SSC5D: variants seen among roughly 807,000 people sequenced by gnomAD.
SSC5D encodes scavenger receptor cysteine rich family member with 5 domains.
Under a neutral mutation model 104.6 loss-of-function variants are expected in SSC5D, and 106 were observed. The ratio of observed to expected loss-of-function variants is 1.01; its 90% confidence interval spans 0.87 to 1.19. The LOEUF (loss-of-function observed/expected upper bound fraction) is 1.19. Ranked by LOEUF, SSC5D falls within the 50% of genes most tolerant of loss-of-function variation. SSC5D has a pLI of 0.00. For missense variants in SSC5D, 1,993 were observed against 2,153.8 expected (o/e 0.93, Z 1.48); for synonymous variants, 860 against 883.5 (o/e 0.97, Z 0.47).
intron 13 of SSC5D, among the ~76,000 whole-genome samples, chr19:55,516,843 C>T (rs945179359): frequency 1.3e-5 from 2 of 152,170 alleles, no homozygotes; most frequent in African/African-American, 4.8e-5. Flanking sequence ...GCACATCTCC[C>T]AGTCCCCCGC....
chr19:55,493,488 A>G (rs1987209992), intron 6 of SSC5D, 107 bp from the exon 7 acceptor site: 1 of 1,009,324 alleles, frequency 9.9e-7, no homozygotes, highest in Non-Finnish European at 1.4e-6. Flanking sequence ...AAGATGGAAT[A>G]TTTGCTTCCC....
At position 55,500,030 on chromosome 19, in the gene SSC5D, C is replaced by T. The variant is rs1415962791; in HGVS notation, c.1920C>T (p.Thr640=). 3 of 1,551,826 alleles carry T rather than the reference C, an allele frequency of 1.9e-6. No homozygotes were observed. The highest frequency in any genetic ancestry group is 2.0e-5 in the Admixed American group (1 of 50,984). Reference sequence around the variant, plus strand: ...TGACAAAAAATGCAAAGAGACCAACCACTCAACCCCCAGTGATGCCAACCA... The same window carrying T: ...TGACAAAAAATGCAAAGAGACCAACTACTCAACCCCCAGTGATGCCAACCA... ...KWVTKNAKRP[T]TQPPVMPTTK... is the part of the protein sequence containing the mutation. The change falls in exon 10 of 14, where the codon ACC becomes ACT. Residue 640 remains threonine (T), a synonymous_variant. Coordinates refer to ENST00000389623, the MANE Select transcript of SSC5D (RefSeq NM_001144950.2). The surrounding 1 kb of genome is among the most constrained non-coding windows in gnomAD (Gnocchi z 4.6).
At chr19:55,509,140 C>T (rs947978435) in intron 12 of SSC5D, among the ~76,000 whole-genome samples, 6 of 152,138 alleles carry the variant, frequency 3.9e-5, no homozygotes, top group Admixed American at 6.6e-5. Flanking sequence ...GCTGTGTTAC[C>T]CCAAGAAAGT....
In SSC5D at chr19:55,501,058, C is replaced by A. The variant is rs866679288; in HGVS notation, c.2642C>A (p.Pro881His). Residue 881 changes from proline (P) to histidine (H), a missense_variant, in exon 12 of 14, where the codon CCC (proline) becomes CAC (histidine). Pro to His is a moderately conservative substitution (Grantham distance 77). This residue lies in a region of SSC5D where 423 missense variants were observed against 409.2 expected (regional missense o/e 1.03). Transcript: ENST00000389623. ...GGCTACACAGACTATGACGATTATCCCCCCTGGACCTGGGACCCCACCTCA... is the reference window on the plus strand; with the variant it reads ...GGCTACACAGACTATGACGATTATCACCCCTGGACCTGGGACCCCACCTCA... ...CTGYTDYDDY[P>H]PWTWDPTSRE... The A allele has an allele frequency of 6.4e-7, 1 of 1,551,866 alleles. No homozygotes were observed. The highest frequency in any genetic ancestry group is 8.7e-7 in the Non-Finnish European group (1 of 1,147,004).
rs760790249 is a variant in SSC5D, at chr19:55,500,263, C to T, written c.2153C>T (p.Thr718Ile). Residue 718 changes from threonine (T) to isoleucine (I), a missense_variant, in exon 10 of 14, where the codon ACT becomes ATT. By Grantham distance (89) the Thr-to-Ile change is moderately conservative (BLOSUM62 -1). Coordinates refer to ENST00000389623, the MANE Select transcript of SSC5D (RefSeq NM_001144950.2). This position sits in a 1 kb window ranked among gnomAD's most constrained non-coding sequence, Gnocchi z 4.6. The stretch of plus-strand genomic sequence containing the variant: ...ACTAAGACCATGGCAATGCTGACCA[C>T]TCAAGGCCCCCAAGAAATGACCTCT... ...RTTKTMAMLT[T>I]QGPQEMTSES... 309 of 1,551,444 alleles carry T rather than the reference C, an allele frequency of 2.0e-4. No homozygotes were observed. Among genetic ancestry groups the T allele is most frequent in the Non-Finnish European group, 2.6e-4 (294 of 1,146,978 alleles).
chr19:55,517,511 G>T lies in SSC5D; in HGVS notation c.3235G>T (p.Val1079Phe). The T allele has an allele frequency of 2.6e-6, 4 of 1,551,270 alleles. No homozygotes were observed. The highest frequency in any genetic ancestry group is 3.5e-6 in the Non-Finnish European group (4 of 1,146,982). The change falls in exon 14 of 14, where the codon GTT becomes TTT. Residue 1079 changes from valine (V) to phenylalanine (F), a missense_variant. Physicochemically the swap from Val to Phe is conservative, Grantham distance 50 (BLOSUM62 -1). This residue lies in a region of SSC5D where 423 missense variants were observed against 409.2 expected (regional missense o/e 1.03). Coordinates refer to ENST00000389623, the MANE Select transcript of SSC5D (RefSeq NM_001144950.2). ...TTTGTCCACCCCTGACTCCAGTGTG[G>T]TTCCCGCGTTGACCCCGGAGCCCTC... is the stretch of plus-strand genomic sequence containing the variant. ...FALSTPDSSVVPALTPEPSPT... is the reference protein window; with the variant it reads ...FALSTPDSSVFPALTPEPSPT...
intron 8 of SSC5D, 71 bp downstream of exon 8, chr19:55,494,854 TCTCATGGGGGGC>T: frequency 7.0e-7 from 1 of 1,436,040 alleles, no homozygotes; most frequent in Non-Finnish European, 9.2e-7. Context: ...TCTGAGACTG[TCTCATGGGGGGC>T]CTCTTGCAAA....
At chr19:55,490,517 G>C in intron 5 of SSC5D, 109 bp downstream of exon 5, 1 of 608,784 alleles carries the variant, frequency 1.6e-6, no homozygotes, top group Non-Finnish European at 2.9e-6. Context: ...GGCCCTGGAG[G>C]GATCCCAGTG....
chr19:55,498,266 C>T (rs1987382118), intron 9 of SSC5D, 69 bp downstream of exon 9: 3 of 1,485,886 alleles, frequency 2.0e-6, no homozygotes, highest in Non-Finnish European at 2.8e-6. Context: ...CTAACATGGG[C>T]ACTAACATTG....
chr19:55,514,613 A>AAG (rs1056575148), intron 13 of SSC5D, among the ~76,000 whole-genome samples: 6 of 148,880 alleles, frequency 4.0e-5, no homozygotes, highest in African/African-American at 1.5e-4. Context: ...AAAAAAAAAA[A>AAG]AGAGAGAGAG....
Position 55,517,464 on chromosome 19 carries a change from TCTTGACAAGCC to T in SSC5D, c.3191_3201del (p.Leu1064Ter), listed in dbSNP as rs1198570149. The T allele has an allele frequency of 3.0e-5, 46 of 1,550,952 alleles. No homozygotes were observed. The highest frequency in any genetic ancestry group is 4.0e-5 in the Non-Finnish European group (46 of 1,146,930). On this transcript the variant is annotated frameshift_variant, in exon 14 of 14. Transcript: ENST00000389623. LOFTEE classifies it low-confidence loss of function (END_TRUNC). ...GCCTCCCGGACGAACCCCGACCTCA[TCTTGACAAGCC>T]CTGACTTTGCTTTGTCCACCCCTGA...
At chr19:55,488,735 G>A in intron 1 of SSC5D, 121 bp downstream of exon 1, 1 of 899,984 alleles carries the variant, frequency 1.1e-6, no homozygotes, top group Non-Finnish European at 1.8e-6. Context: ...TGCATACCCT[G>A]ACATCCCTTC....
rs4405662 is a variant in SSC5D at position 55,488,626 on chromosome 19, A to C, written c.25+12A>C. ...GGCCTGCCTCCTTGGTGAGTGATCC[A>C]TTCTCCTTGGGGACTCGGGGGGCCT... On this transcript the variant is annotated intron_variant, in intron 1 of 13. Coordinates refer to ENST00000389623, the MANE Select transcript of SSC5D (RefSeq NM_001144950.2). The C allele has an allele frequency of 1.3e-6, 2 of 1,548,346 alleles. No individual in the cohort carries two copies. Among genetic ancestry groups the C allele is most frequent in the South Asian group, 1.2e-5 (1 of 83,928 alleles).
intron 12 of SSC5D, among the ~76,000 whole-genome samples, chr19:55,505,269 C>T (rs1296928351): frequency 1.3e-5 from 2 of 151,686 alleles, no homozygotes; most frequent in Non-Finnish European, 2.9e-5. Context: ...ATCAAGGAAA[C>T]CTCACAGGGG....
At position 55,488,691 on chromosome 19, in the gene SSC5D, G is replaced by T. The variant is rs1599908769; in HGVS notation, c.25+77G>T. On this transcript the variant is annotated intron_variant, in intron 1 of 13. Coordinates refer to ENST00000389623, the MANE Select transcript of SSC5D (RefSeq NM_001144950.2). ...GACCCCTTAGCTTGTCCAGTTTAGG[G>T]ACTCAAACTTCCGGGACTGGTCGCT... 1.5e-5 allele frequency: 20 copies of T among 1,353,356 alleles called. No individual in the cohort carries two copies. In the East Asian group the frequency reaches 2.0e-4, roughly 14 times the overall value. 83.8% of individuals were successfully genotyped at this position (1,353,356 alleles called of 1,614,324 possible).
rs1253801975 is a variant in SSC5D at position 55,500,755 on chromosome 19, G to A, written c.2568G>A (p.Trp856Ter). 7.7e-6 allele frequency: 12 copies of A among 1,551,502 alleles called. No homozygotes were observed. The highest frequency in any genetic ancestry group is 2.0e-5 in the Admixed American group (1 of 50,978). ...TGAGCGACTGCCCCTCGGGGGCTTG[G>A]GGGAAGCACAACTGTGACCACGAGG... ...ASLSDCPSGA[W>*]GKHNCDHEED... Residue 856 changes from tryptophan to a stop codon, truncating the protein, a stop_gained, in exon 11 of 14, where the codon TGG becomes TGA. Transcript: ENST00000389623. LOFTEE classifies it high-confidence loss of function. The surrounding 1 kb of genome is among the most constrained non-coding windows in gnomAD (Gnocchi z 4.6).
At chr19:55,516,154 T>G in intron 13 of SSC5D, among the ~76,000 whole-genome samples, 1 of 122,634 alleles carries the variant, frequency 8.2e-6, no homozygotes, top group African/African-American at 3.0e-5. Context: ...TTTTTTAAAA[T>G]GAAAATTAAT....
chr19:55,501,525 C>A (rs1479442803), intron 12 of SSC5D, among the ~76,000 whole-genome samples: 1 of 152,224 alleles, frequency 6.6e-6, no homozygotes, highest in Admixed American at 6.5e-5. Context: ...ATCACATCAT[C>A]GTCCCCACCC....
Position 55,517,293 on chromosome 19 carries a change from C to A in SSC5D, c.3017C>A (p.Thr1006Asn), listed in dbSNP as rs1460232791. ...RPAATRTAPP[T>N]PSPGPSASPG... ...GCTGCGACCAGGACAGCGCCCCCAA[C>A]CCCGTCCCCAGGTCCCTCCGCCTCT... is the stretch of plus-strand genomic sequence containing the variant. The change falls in exon 14 of 14, where the codon ACC becomes AAC. Residue 1006 changes from threonine (T) to asparagine (N), a missense_variant. Thr to Asn is a moderately conservative substitution (Grantham distance 65). Transcript: ENST00000389623. 6.5e-7 allele frequency: 1 copy of A among 1,548,734 alleles called. No homozygotes were observed. The highest frequency in any genetic ancestry group is 2.0e-5 in the Admixed American group (1 of 50,978).
Sources: gnomAD v4.1 joint callset for allele counts (sites outside exome capture counted in the v4.1 genomes callset) on GRCh38, gnomAD v4.1.1 for gene constraint, gnomAD v4.1.1 regional missense constraint, Gnocchi (gnomAD v3.1) non-coding constraint, MANE v1.5 for transcripts, NCBI Gene and HGNC (gene_info 2026-07-23, HGNC 2026-07-21) for gene names.